DRC9: variants seen among roughly 807,000 people sequenced by gnomAD.
The protein encoded by DRC9 is dynein regulatory complex subunit 9, also known as dynein regulatory complex protein 9.
the DRC9 span, among the ~76,000 whole-genome samples, chr3:197,938,167 A>G: frequency 6.6e-6 from 1 of 151,858 alleles, no homozygotes; most frequent in Non-Finnish European, 1.5e-5. Flanking sequence ...AAATACAAAA[A>G]TTAGCCGGGC....
At chr3:197,908,617 G>A in the DRC9 span, among the ~76,000 whole-genome samples, 3 of 147,642 alleles carry the variant, frequency 2.0e-5, no homozygotes, top group African/African-American at 7.6e-5. Flanking sequence ...CCCAGATGAA[G>A]TTATCACAGG....
chr3:197,959,347 TGTG>T, the DRC9 span: 1 of 152,240 alleles, frequency 6.6e-6, no homozygotes, highest in East Asian at 1.9e-4. Flanking sequence ...AAGTTACAAA[TGTG>T]GTTTGGAATC....
At chr3:197,956,123 A>G in the DRC9 span, 47 of 283,026 alleles carry the variant, frequency 1.7e-4, no homozygotes, top group African/African-American at 1.0e-3. Context: ...TCCCTGGGTC[A>G]TTTTTAAATT....
At chr3:197,938,443 C>A in the DRC9 span, 1 of 776,958 alleles carries the variant, frequency 1.3e-6, no homozygotes, top group South Asian at 1.6e-5. Flanking sequence ...TTTGCATACA[C>A]AGTAATGACT....
chr3:197,946,079 C>A, the DRC9 span, among the ~76,000 whole-genome samples: 3 of 152,144 alleles, frequency 2.0e-5, no homozygotes, highest in Non-Finnish European at 2.9e-5. Flanking sequence ...ATCTTCTCTG[C>A]CAGATAACAG....
At chr3:197,899,848 C>G in the DRC9 span, among the ~76,000 whole-genome samples, 2 of 152,098 alleles carry the variant, frequency 1.3e-5, no homozygotes. Flanking sequence ...GTTTTAACTT[C>G]GTTTTGCTGA....
chr3:197,889,521 C>A, the DRC9 span: 1 of 1,601,522 alleles, frequency 6.2e-7, no homozygotes, highest in Non-Finnish European at 8.6e-7. Context: ...TGTTTCTTAA[C>A]TCTCTCCAAG....
At chr3:197,897,531 A>C in the DRC9 span, among the ~76,000 whole-genome samples, 1 of 152,226 alleles carries the variant, frequency 6.6e-6, no homozygotes, top group Non-Finnish European at 1.5e-5. Flanking sequence ...TTTCTGTACA[A>C]GATATTAACA....
the DRC9 span, chr3:197,938,424 A>G: frequency 1.4e-6 from 1 of 709,246 alleles, no homozygotes; most frequent in African/African-American, 1.8e-5. Flanking sequence ...TTCTATTCTC[A>G]GCAGTCATTT....
At chr3:197,950,244 A>G in the DRC9 span, 15 of 1,230,750 alleles carry the variant, frequency 1.2e-5, no homozygotes, top group South Asian at 4.2e-4. Context: ...TCTGCTGCTG[A>G]AATTTGGGGG....
the DRC9 span, among the ~76,000 whole-genome samples, chr3:197,940,478 T>C: frequency 2.0e-5 from 3 of 152,152 alleles, no homozygotes; most frequent in African/African-American, 7.2e-5. Context: ...TATTAATATA[T>C]TTTTCATCCT....
the DRC9 span, among the ~76,000 whole-genome samples, chr3:197,934,622 A>G: frequency 6.6e-6 from 1 of 152,112 alleles, no homozygotes; most frequent in African/African-American, 2.4e-5. Context: ...GGAGACATAT[A>G]GCCCAGGTTT....
chr3:197,952,710 T>C, the DRC9 span: 2 of 151,998 alleles, frequency 1.3e-5, no homozygotes, highest in African/African-American at 4.8e-5. Context: ...GTCACTCTGG[T>C]CTTGAACTCC....
At chr3:197,913,947 C>G in the DRC9 span, 4 of 1,614,116 alleles carry the variant, frequency 2.5e-6, 1 homozygote, top group South Asian at 2.2e-5. Flanking sequence ...CAATCTGCAG[C>G]TCGGTATTGG....
At chr3:197,917,998 G>T in the DRC9 span, among the ~76,000 whole-genome samples, 4 of 151,732 alleles carry the variant, frequency 2.6e-5, no homozygotes, top group East Asian at 5.8e-4. Context: ...GCCTCCCAAA[G>T]TGCTGGGATT....
chr3:197,925,582 C>T, the DRC9 span, among the ~76,000 whole-genome samples: 4 of 123,700 alleles, frequency 3.2e-5, no homozygotes, highest in African/African-American at 1.4e-4. Context: ...ATCTTTATAT[C>T]TTCTGTTTTT....
At chr3:197,956,059 A>C in the DRC9 span, 1 of 416,198 alleles carries the variant, frequency 2.4e-6, no homozygotes, top group Non-Finnish European at 4.5e-6. Context: ...TCAAAGGCTC[A>C]AGCAATCCTC....
At chr3:197,933,164 C>T in the DRC9 span, among the ~76,000 whole-genome samples, 5 of 149,406 alleles carry the variant, frequency 3.3e-5, no homozygotes, top group Admixed American at 2.0e-4. Context: ...CTACAGAAGT[C>T]ACACAAGTTA....
chr3:197,927,295 C>T, the DRC9 span, among the ~76,000 whole-genome samples: 28 of 152,286 alleles, frequency 1.8e-4, no homozygotes, highest in Admixed American at 3.3e-4. Context: ...GGCACGATCT[C>T]GACTCATTGC....
Sources: allele counts gnomAD v4.1 joint callset (sites outside exome capture counted in the v4.1 genomes callset), GRCh38; gene constraint gnomAD v4.1.1; transcripts MANE v1.5; gene names NCBI Gene and HGNC (gene_info 2026-07-23, HGNC 2026-07-21).